Variants in HADHA observed in about 807,000 individuals in gnomAD.
The protein encoded by HADHA is hydroxyacyl-CoA dehydrogenase trifunctional multienzyme complex subunit alpha, also known as trifunctional enzyme subunit alpha, mitochondrial.
HADHA carries 59 observed loss-of-function variants against 91.3 expected under a neutral mutation model. The observed-to-expected ratio is 0.65, with a 90% CI of 0.52 to 0.80. The LOEUF (loss-of-function observed/expected upper bound fraction) is 0.80. HADHA is among the 30% of genes least tolerant of loss of function. HADHA has a pLI of 0.00. For missense variants in HADHA, 800 were observed against 927.6 expected, an observed-to-expected ratio of 0.86 and a Z score of 1.79; for synonymous variants, 320 against 338.9, an observed-to-expected ratio of 0.94 and a Z score of 0.61.
intron 11 of HADHA, among the ~76,000 whole-genome samples, chr2:26,204,953 G>T (rs952335660): frequency 5.3e-5 from 8 of 152,084 alleles, no homozygotes; most frequent in Non-Finnish European, 7.4e-5. Context: ...CTCCTCCATG[G>T]TCTCTTTGCT....
rs147409050 is a variant in HADHA at position 26,201,150 on chromosome 2, G to A, written c.1391C>T (p.Ala464Val). ...LKHRVLKEVE[A>V]VIPDHCIFAS... ...CAAGTACAACAGCCCCTTGCTTACCGCTTCTACTTCCTTTAGCACTCTGTG... is the reference window on the plus strand; with the variant it reads ...CAAGTACAACAGCCCCTTGCTTACCACTTCTACTTCCTTTAGCACTCTGTG... Residue 464 changes from alanine (A) to valine (V), a missense_variant and splice_region_variant, in exon 13 of 20, where the codon GCG becomes GTG. Coordinates refer to ENST00000380649, the MANE Select transcript of HADHA (RefSeq NM_000182.5). 6.8e-6 allele frequency: 11 copies of A among 1,608,800 alleles called. No homozygotes were observed. The highest frequency in any genetic ancestry group is 4.0e-5 in the African/African-American group (3 of 74,790).
Position 26,204,120 on chromosome 2 carries a change from T to A in HADHA, c.1162A>T (p.Ile388Leu), listed in dbSNP as rs370054250. Residue 388 changes from isoleucine to leucine, a missense_variant, in exon 12 of 20, where the codon ATA (isoleucine) becomes TTA (leucine). Physicochemically the swap from Ile to Leu is conservative, Grantham distance 5 (BLOSUM62 2). Transcript: ENST00000380649. ...QVSVDKGLKT[I>L]LKDATLTALD... ...GCAGTGAGGGTGGCATCTTTAAGTA[T>A]AGTCTTTAGCCCCTTATCCACGGAG... The A allele has an allele frequency of 6.8e-6, 11 of 1,613,744 alleles. No individual in the cohort carries two copies. In the Admixed American group the frequency reaches 8.3e-5, roughly 12 times the overall value.
intron 14 of HADHA, 31 bp downstream of exon 14, chr2:26,197,660 A>G: frequency 1.0e-6 from 1 of 968,602 alleles, no homozygotes; most frequent in Non-Finnish European, 1.7e-6. Flanking sequence ...GCAATAAAAC[A>G]TCTCAGGGTT....
intron 1 of HADHA, among the ~76,000 whole-genome samples, chr2:26,242,755 GT>G (rs897695265): frequency 3.3e-5 from 5 of 152,164 alleles, no homozygotes; most frequent in African/African-American, 1.2e-4. Context: ...TCCAAACAAT[GT>G]TTTTTTTGTT....
At position 26,201,208 on chromosome 2, in the gene HADHA, T is replaced by A. The variant is rs1386454824; in HGVS notation, c.1333A>T (p.Ile445Phe). The A allele has an allele frequency of 1.2e-6, 2 of 1,613,990 alleles. No individual in the cohort carries two copies. Among genetic ancestry groups the A allele is most frequent in the East Asian group, 4.5e-5 (2 of 44,882 alleles). ...YQGFEKADMV[I>F]EAVFEDLSLK... ...CTAAGGTCCTCAAACACAGCTTCAA[T>A]CACCATGTCGGCCTTTTCAAAACCT... Residue 445 changes from isoleucine (I) to phenylalanine (F), a missense_variant, in exon 13 of 20, where the codon ATT (isoleucine) becomes TTT (phenylalanine). Transcript: ENST00000380649.
intron 7 of HADHA, among the ~76,000 whole-genome samples, chr2:26,223,827 A>G (rs11126405): frequency 0.82 from 124,939 of 151,960 alleles, 51,723 homozygotes; most frequent in African/African-American, 0.93. Flanking sequence ...GCTCACTGCA[A>G]CCTCTGCCTC....
intron 11 of HADHA, among the ~76,000 whole-genome samples, chr2:26,209,430 G>A (rs1670042062): frequency 6.6e-6 from 1 of 152,196 alleles, no homozygotes; most frequent in African/African-American, 2.4e-5. Context: ...AGAAGTGTGA[G>A]TTCCCAGAGA....
intron 7 of HADHA, among the ~76,000 whole-genome samples, chr2:26,218,262 T>G (rs1301344284): frequency 6.7e-6 from 1 of 150,054 alleles, no homozygotes; most frequent in Non-Finnish European, 1.5e-5. Context: ...ATTGTGCCAC[T>G]GCACTCCAGC....
Position 26,191,628 on chromosome 2 carries a change from G to C in HADHA, c.2001C>G (p.Val667=), listed in dbSNP as rs1169409150. ...GGAACTGGATGTCTTCGTCTGATGA[G>C]CTGCCAACAGAAAGAGATGTTTAGG... is the stretch of plus-strand genomic sequence containing the variant. The part of the protein sequence containing the change: ...ASLKLPPKSE[V]SSDEDIQFRL... Residue 667 remains valine (V), a splice_region_variant and synonymous_variant, in exon 19 of 20, where the codon GTC becomes GTG. Coordinates refer to ENST00000380649, the MANE Select transcript of HADHA (RefSeq NM_000182.5). The C allele has an allele frequency of 6.2e-7, 1 of 1,613,860 alleles. No homozygotes were observed. Among genetic ancestry groups the C allele is most frequent in the Non-Finnish European group, 8.5e-7 (1 of 1,179,790 alleles).
chr2:26,211,780 T>A (rs1039540135), intron 10 of HADHA, among the ~76,000 whole-genome samples: 3 of 152,250 alleles, frequency 2.0e-5, no homozygotes, highest in Non-Finnish European at 4.4e-5. Context: ...GCTAGAAAAG[T>A]ACACAGGTAA....
intron 14 of HADHA, 39 bp downstream of exon 14, chr2:26,197,652 A>T (rs763098015): frequency 1.1e-6 from 1 of 903,406 alleles, no homozygotes; most frequent in Non-Finnish European, 1.9e-6. Flanking sequence ...AATCTGAAGC[A>T]ATAAAACATC....
At chr2:26,191,751 C>A (rs1008724130) in intron 18 of HADHA, 123 bp from the exon 19 acceptor site, 3 of 975,332 alleles carry the variant, frequency 3.1e-6, no homozygotes, top group African/African-American at 3.2e-5. Context: ...TTGGTGCTGG[C>A]CCTCAGAGAA....
Position 26,191,008 on chromosome 2 carries a change from C to T in HADHA, c.*242G>A, listed in dbSNP as rs1669479458. 5 of 588,936 alleles carry T rather than the reference C, an allele frequency of 8.5e-6. No homozygotes were observed. In the South Asian group the frequency reaches 9.8e-5, roughly 11 times the overall value. The allele number at this position is 588,936 out of a possible 1,614,324, so 36.5% of individuals were successfully genotyped here. On this transcript the variant is annotated 3_prime_UTR_variant, in exon 20 of 20. Transcript: ENST00000380649. ...ATGGCTCTTGGCTGCCACTCTAGGC[C>T]TCGGGGCTTATACAATGAGCAGTGG...
chr2:26,212,487 T>C (rs567803363), intron 10 of HADHA, 83 bp downstream of exon 10: 1 of 968,372 alleles, frequency 1.0e-6, no homozygotes, highest in East Asian at 2.4e-5. Flanking sequence ...GGATATTTTT[T>C]TCCTTTTTCA....
chr2:26,236,576 G>A (rs775051423), intron 4 of HADHA, among the ~76,000 whole-genome samples: 3 of 151,792 alleles, frequency 2.0e-5, no homozygotes, highest in South Asian at 2.1e-4. Flanking sequence ...GTGCCACCAT[G>A]CCTAATTTTT....
intron 10 of HADHA, among the ~76,000 whole-genome samples, chr2:26,211,338 T>A (rs1670095467): frequency 6.9e-6 from 1 of 145,208 alleles, no homozygotes; most frequent in Admixed American, 6.9e-5. Flanking sequence ...GCTCTTCAGA[T>A]TTTTTTTTTT....
At chr2:26,241,723 T>C (rs1670896820) in intron 1 of HADHA, among the ~76,000 whole-genome samples, 1 of 152,078 alleles carries the variant, frequency 6.6e-6, no homozygotes, top group Admixed American at 6.6e-5. Flanking sequence ...ATTCATCTCC[T>C]GTGAAATTAT....
At chr2:26,207,032 T>C (rs892847238) in intron 11 of HADHA, among the ~76,000 whole-genome samples, 28 of 152,162 alleles carry the variant, frequency 1.8e-4, no homozygotes, top group African/African-American at 6.5e-4. Context: ...AACTCATCTC[T>C]ACAAAATATT....
chr2:26,234,086 C>CA (rs1359868944), intron 5 of HADHA, 131 bp downstream of exon 5: 2 of 898,908 alleles, frequency 2.2e-6, no homozygotes, highest in Non-Finnish European at 3.5e-6. Flanking sequence ...CGTCTCAAAG[C>CA]AAAAAACAAA....
Sources: gnomAD v4.1 joint callset for allele counts (sites outside exome capture counted in the v4.1 genomes callset) on GRCh38, gnomAD v4.1.1 for gene constraint, MANE v1.5 for transcripts, NCBI Gene and HGNC (gene_info 2026-07-23, HGNC 2026-07-21) for gene names.